Variants in CSNK1A1 observed in about 807,000 individuals in gnomAD.
The protein encoded by CSNK1A1 is casein kinase I isoform alpha.
A neutral mutation model predicts 46.1 loss-of-function variants in CSNK1A1; 7 were observed. The observed-to-expected ratio is 0.15, with a 90% confidence interval of 0.09 to 0.29. The LOEUF is 0.29. Ranked by LOEUF, CSNK1A1 falls within the 10% of genes least tolerant of loss-of-function variation. CSNK1A1 has a pLI of 1.00. For synonymous variants in CSNK1A1, 137 were observed against 141.5 expected (o/e 0.97, Z 0.23); for missense variants, 96 against 417.1 (o/e 0.23, Z 6.71).
rs1160379269 is a variant in CSNK1A1 at position 149,542,592 on chromosome 5, TTATATATATATATATATA to T, written c.230+7465_230+7482del. The stretch of plus-strand genomic sequence containing the variant: ...ATTTACTCCGAAATGAGATACAAAT[TTATATATATATATATATA>T]TATATATATATATATATATATATAT... On this transcript the variant is annotated intron_variant, in intron 2 of 9. Transcript: ENST00000377843. Among the ~76,000 whole-genome samples, 75 of 26,690 alleles carry T rather than the reference TTATATATATATATATATA, an allele frequency of 2.8e-3. 1 individual carries two copies. The highest frequency in any genetic ancestry group is 4.9e-3 in the East Asian group (3 of 616). The allele number at this position is 26,690 out of a possible 152,430, so 17.5% of individuals were successfully genotyped here. A position where few individuals can be genotyped will look rare whatever the true frequency, so the allele number is the denominator to read the frequency against.
intron 9 of CSNK1A1, among the ~76,000 whole-genome samples, chr5:149,500,205 T>C (rs1328095302): frequency 6.6e-6 from 1 of 150,682 alleles, no homozygotes; most frequent in East Asian, 1.9e-4. Context: ...TGGCGCGATC[T>C]TGGCTCACTG....
At chr5:149,544,764 T>TATAG (rs1265125722) in intron 2 of CSNK1A1, among the ~76,000 whole-genome samples, 2 of 118,160 alleles carry the variant, frequency 1.7e-5, no homozygotes, top group Non-Finnish European at 3.6e-5. Flanking sequence ...TATATATATA[T>TATAG]AGTTATTGAC....
rs1561772136 is a variant in CSNK1A1 at position 149,542,611 on chromosome 5, TA to T, written c.230+7463del. ...ACAAATTTATATATATATATATATA[TA>T]TATATATATATATATATATATATAT... On this transcript the variant is annotated intron_variant, in intron 2 of 9. Transcript: ENST00000377843. Among the ~76,000 whole-genome samples, 21 of 12,284 alleles carry T rather than the reference TA, an allele frequency of 1.7e-3. 3 individuals carry two copies. The highest frequency in any genetic ancestry group is 0.017 in the East Asian group (5 of 296). 8.1% of individuals were successfully genotyped at this position (12,284 alleles called of 152,430 possible). A position where few individuals can be genotyped will look rare whatever the true frequency, so the allele number is the denominator to read the frequency against.
chr5:149,502,672 T>C (rs1172196026), intron 9 of CSNK1A1: 1 of 984,462 alleles, frequency 1.0e-6, no homozygotes, highest in Non-Finnish European at 1.2e-6. Flanking sequence ...ACTGCGCCTG[T>C]CCTAAAGTTT....
At chr5:149,544,394 G>A (rs1762397397) in intron 2 of CSNK1A1, among the ~76,000 whole-genome samples, 1 of 152,022 alleles carries the variant, frequency 6.6e-6, no homozygotes, top group Non-Finnish European at 1.5e-5. Flanking sequence ...ATTGCACGGT[G>A]GCTGATGCCT....
chr5:149,534,055 C>A (rs12108750), intron 2 of CSNK1A1, among the ~76,000 whole-genome samples: 40,254 of 151,978 alleles, frequency 0.26, 5,740 homozygotes, highest in Admixed American at 0.41. Flanking sequence ...AACTGTACAG[C>A]TTAAATAGGT....
chr5:149,506,827 T>A (rs1761048155), intron 8 of CSNK1A1, among the ~76,000 whole-genome samples, 200 bp downstream of exon 8: 1 of 152,220 alleles, frequency 6.6e-6, no homozygotes, highest in South Asian at 2.1e-4. Context: ...CAACTCTCTA[T>A]CCACTCCAAA....
At chr5:149,506,969 T>C (rs1761053601) in intron 8 of CSNK1A1, 58 bp downstream of exon 8, 2 of 1,315,374 alleles carry the variant, frequency 1.5e-6, no homozygotes, top group East Asian at 4.8e-5. Context: ...ATTTGTTAGG[T>C]AAATTTAACC....
chr5:149,550,652 T>C lies in CSNK1A1; in HGVS notation c.123+190A>G, dbSNP rs1762629017. On this transcript the variant is annotated intron_variant, in intron 1 of 9. Transcript: ENST00000377843. This position sits in a 1 kb window ranked among gnomAD's most constrained non-coding sequence, Gnocchi z 4.3. ...AGGTGGGAAACTAGTTCCCCCAACC[T>C]TTCTATCGGGTTCTTGACCCTTTTA... 6.6e-6 allele frequency among the ~76,000 whole-genome samples: 1 copy of C among 151,594 alleles called. No individual in the cohort carries two copies. The highest frequency in any genetic ancestry group is 1.5e-5 in the Non-Finnish European group (1 of 67,966).
At chr5:149,503,952 A>G (rs986605336) in intron 9 of CSNK1A1, 16 of 985,290 alleles carry the variant, frequency 1.6e-5, no homozygotes, top group African/African-American at 5.2e-5. Context: ...CAAATATACT[A>G]TAGGTTGTCA....
intron 2 of CSNK1A1, among the ~76,000 whole-genome samples, chr5:149,541,151 C>T (rs996788774): frequency 1.5e-5 from 2 of 137,040 alleles, no homozygotes; most frequent in African/African-American, 6.2e-5. Flanking sequence ...ACTGGTCAAC[C>T]AATTTTGTTT....
At chr5:149,522,446 T>A (rs1342030125) in intron 3 of CSNK1A1, among the ~76,000 whole-genome samples, 1 of 152,222 alleles carries the variant, frequency 6.6e-6, no homozygotes, top group Admixed American at 6.5e-5. Context: ...TTAGAAGTTG[T>A]ATTTTTAAAT....
chr5:149,507,139 G>T lies in CSNK1A1; in HGVS notation c.751-6C>A. On this transcript the variant is annotated splice_polypyrimidine_tract_variant and splice_region_variant and intron_variant, in intron 7 of 9. Transcript: ENST00000377843. ...GCAAATTCTGCAGGAAACCCCTATA[G>T]GTTCAAGGGTTAAAACAAAGTTAAA... 2 of 1,593,350 alleles carry T rather than the reference G, an allele frequency of 1.3e-6. No homozygotes were observed. The highest frequency in any genetic ancestry group is 1.7e-6 in the Non-Finnish European group (2 of 1,166,208).
At chr5:149,509,800 C>A in intron 7 of CSNK1A1, 79 bp downstream of exon 7, 1 of 1,109,838 alleles carries the variant, frequency 9.0e-7, no homozygotes, top group Non-Finnish European at 1.3e-6. Flanking sequence ...CTTGGCCTCC[C>A]AAAGTGCTGG....
Position 149,494,659 on chromosome 5 carries a change from G to T in CSNK1A1, c.*2194C>A, listed in dbSNP as rs1024017766. The stretch of plus-strand genomic sequence containing the variant: ...ACTGAATTTCACACTCTTCTTTTGT[G>T]AACAGTGAAGAAAATGAATGGTAGC... On this transcript the variant is annotated 3_prime_UTR_variant, in exon 10 of 10. Transcript: ENST00000377843. 6.6e-6 allele frequency: 1 copy of T among 152,174 alleles called. No homozygotes were observed. Among genetic ancestry groups the T allele is most frequent in the Non-Finnish European group, 1.5e-5 (1 of 68,036 alleles). The allele number at this position is 152,174 out of a possible 1,614,324, so 9.4% of individuals were successfully genotyped here. A position where few individuals can be genotyped will look rare whatever the true frequency, so the allele number is the denominator to read the frequency against.
chr5:149,497,827 CT>C (rs1760701072), intron 9 of CSNK1A1: 1 of 985,486 alleles, frequency 1.0e-6, no homozygotes, highest in African/African-American at 1.7e-5. Context: ...TGCTCCTTTT[CT>C]TTTAGTTCTT....
Position 149,495,315 on chromosome 5 carries a change from T to C in CSNK1A1, c.*1538A>G, listed in dbSNP as rs796316725. The C allele has an allele frequency of 6.6e-6, 1 of 152,198 alleles. No individual in the cohort carries two copies. Among genetic ancestry groups the C allele is most frequent in the Non-Finnish European group, 1.5e-5 (1 of 68,038 alleles). 9.4% of individuals were successfully genotyped at this position (152,198 alleles called of 1,614,324 possible). A position where few individuals can be genotyped will look rare whatever the true frequency, so the allele number is the denominator to read the frequency against. On this transcript the variant is annotated 3_prime_UTR_variant, in exon 10 of 10. Transcript: ENST00000377843. ...AGGTTATTTTACAAAATACCTACAT[T>C]TACACAATAGGCTCCCGGCAGCATT...
chr5:149,540,273 A>G (rs1276037468), intron 2 of CSNK1A1, among the ~76,000 whole-genome samples: 1 of 152,208 alleles, frequency 6.6e-6, no homozygotes, highest in Non-Finnish European at 1.5e-5. Flanking sequence ...GACTCATAAT[A>G]CAATGCTCTT....
chr5:149,536,343 A>G (rs1762062401), intron 2 of CSNK1A1, among the ~76,000 whole-genome samples: 1 of 152,214 alleles, frequency 6.6e-6, no homozygotes, highest in African/African-American at 2.4e-5. Flanking sequence ...AAGAGAACAA[A>G]TAACTGGATG....
Sources: allele counts gnomAD v4.1 joint callset (sites outside exome capture counted in the v4.1 genomes callset), GRCh38; gene constraint gnomAD v4.1.1; non-coding constraint Gnocchi (gnomAD v3.1); transcripts MANE v1.5; gene names NCBI Gene and HGNC (gene_info 2026-07-23, HGNC 2026-07-21).